STAT2: variants seen among roughly 807,000 people sequenced by gnomAD.
The protein encoded by STAT2 is interferon alpha induced transcriptional activator.
In STAT2, 51 loss-of-function variants were observed where a neutral mutation model predicts 122.3. That is an observed-to-expected ratio of 0.42 (90% CI 0.33 to 0.53). The LOEUF is 0.53. Among genes scored for constraint, STAT2 ranks in the 20% least tolerant of loss-of-function variants. STAT2 has a pLI of 0.10. For synonymous variants in STAT2, 351 were observed against 394.9 expected, an observed-to-expected ratio of 0.89 and a Z score of 1.32; for missense variants, 736 against 1,010.3, an observed-to-expected ratio of 0.73 and a Z score of 3.68.
At chr12:56,349,310 C>G in intron 15 of STAT2, 49 bp from the exon 16 acceptor site, 3 of 1,614,076 alleles carry the variant, frequency 1.9e-6, no homozygotes, top group Non-Finnish European at 2.5e-6. Flanking sequence ...TTTCTAGCTG[C>G]AGGTATTTGT....
In STAT2 at chr12:56,344,032, C is replaced by T. The variant is rs771543022; in HGVS notation, c.2206G>A (p.Asp736Asn). The T allele has an allele frequency of 6.2e-7, 1 of 1,613,668 alleles. No homozygotes were observed. Among genetic ancestry groups the T allele is most frequent in the Non-Finnish European group, 8.5e-7 (1 of 1,179,696 alleles). The stretch of plus-strand genomic sequence containing the variant: ...CCTGCCTTCAGCAGTGGCTCTAAGT[C>T]CAGGCTGAGCTCTGGCTCTGGCACC... The part of the protein sequence containing the change: ...GLVPEPELSL[D>N]LEPLLKAGLD... The change falls in exon 23 of 24, where the codon GAC becomes AAC. Residue 736 changes from aspartate (D) to asparagine (N), a missense_variant. Physicochemically the swap from Asp to Asn is conservative, Grantham distance 23. Coordinates refer to ENST00000314128, the MANE Select transcript of STAT2 (RefSeq NM_005419.4).
At chr12:56,349,287 G>A in intron 15 of STAT2, 26 bp from the exon 16 acceptor site, 1 of 1,614,152 alleles carries the variant, frequency 6.2e-7, no homozygotes, top group Non-Finnish European at 8.5e-7. Flanking sequence ...GAGTCACAGA[G>A]AGGGATGTGA....
intron 8 of STAT2, among the ~76,000 whole-genome samples, chr12:56,354,010 A>ATATATAT (rs1555171450): frequency 1.1e-3 from 21 of 19,604 alleles, no homozygotes; most frequent in Non-Finnish European, 5.6e-3. Context: ...AAAAAAAAAA[A>ATATATAT]AAAAAAATAT....
At position 56,348,661 on chromosome 12, in the gene STAT2, T is replaced by C. The variant is rs2066814; in HGVS notation, c.1630-38A>G. 9,669 of 1,613,814 alleles carry C rather than the reference T, an allele frequency of 6.0e-3. 53 individuals are homozygous for C. The highest frequency in any genetic ancestry group is 7.0e-3 in the Non-Finnish European group (8,220 of 1,179,918). On this transcript the variant is annotated intron_variant, in intron 18 of 23. Coordinates refer to ENST00000314128, the MANE Select transcript of STAT2 (RefSeq NM_005419.4). ...TGGAAAGGTAGCAAAAGCTGAGGAGTTGCCTCTGGTGTAGGGAAGGAGGGA... is the reference window on the plus strand; with the variant it reads ...TGGAAAGGTAGCAAAAGCTGAGGAGCTGCCTCTGGTGTAGGGAAGGAGGGA...
chr12:56,346,740 G>A, intron 20 of STAT2, 79 bp downstream of exon 20: 1 of 1,606,764 alleles, frequency 6.2e-7, no homozygotes, highest in Non-Finnish European at 8.5e-7. Context: ...AGCCAGGGAA[G>A]CCAAGGGCAG....
intron 19 of STAT2, among the ~76,000 whole-genome samples, chr12:56,347,337 C>T (rs1877651165): frequency 6.6e-6 from 1 of 151,866 alleles, no homozygotes; most frequent in African/African-American, 2.4e-5. Context: ...ACCACAGGTG[C>T]ACACCACCAT....
chr12:56,350,735 A>T, intron 11 of STAT2, 94 bp downstream of exon 11: 1 of 1,307,912 alleles, frequency 7.6e-7, no homozygotes. Context: ...TGGAAGGAGG[A>T]AGGAGATAGC....
In STAT2 at chr12:56,355,784, G is replaced by A; in HGVS notation, c.305C>T (p.Thr102Ile). 6.2e-7 allele frequency: 1 copy of A among 1,614,110 alleles called. No individual in the cohort carries two copies. Among genetic ancestry groups the A allele is most frequent in the Non-Finnish European group, 8.5e-7 (1 of 1,180,000 alleles). ...GTTAAAGATCATCTCAGCCAACTGG[G>A]TAGGATCCTGGGAAAAGGGCTAGAA... is the stretch of plus-strand genomic sequence containing the variant. ...RDIQPFSQDP[T>I]QLAEMIFNLL... Residue 102 changes from threonine to isoleucine, a missense_variant, in exon 4 of 24, where the codon ACC (threonine) becomes ATC (isoleucine). Transcript: ENST00000314128.
chr12:56,348,567 C>T lies in STAT2; in HGVS notation c.1686G>A (p.Glu562=). The change falls in exon 19 of 24, where the codon GAG becomes GAA. Residue 562 remains glutamate, a synonymous_variant. Transcript: ENST00000314128. Reference sequence around the variant, plus strand: ...GATCCTTCAGGTGGTCATGTACCAACTCCAGAATTTTGTCCAGCCATGTCC... The same window carrying T: ...GATCCTTCAGGTGGTCATGTACCAATTCCAGAATTTTGTCCAGCCATGTCC... The part of the protein sequence containing the change: ...PFWTWLDKIL[E]LVHDHLKDLW... 2 of 1,614,176 alleles carry T rather than the reference C, an allele frequency of 1.2e-6. No homozygotes were observed. The highest frequency in any genetic ancestry group is 8.5e-7 in the Non-Finnish European group (1 of 1,180,040).
intron 8 of STAT2, chr12:56,352,371 T>TTTTTTTTTG (rs1565655623): frequency 3.5e-5 from 1 of 28,462 alleles, no homozygotes; most frequent in Non-Finnish European, 6.8e-5. Flanking sequence ...TTTTTTTTTT[T>TTTTTTTTTG]GGTGGGGGTG....
chr12:56,355,908 G>A (rs192802035), intron 3 of STAT2, 105 bp from the exon 4 acceptor site: 3 of 1,335,168 alleles, frequency 2.2e-6, no homozygotes, highest in East Asian at 2.3e-5. Context: ...CCTCCTTCGG[G>A]GTTCTTAGCC....
chr12:56,346,967 A>G lies in STAT2; in HGVS notation c.1725-12T>C, dbSNP rs768691296. The stretch of plus-strand genomic sequence containing the variant: ...AGCCCATGATGCGTCTGGAGCACAG[A>G]GAGCAGCTGTGAGACACCGCCCAAC... On this transcript the variant is annotated splice_polypyrimidine_tract_variant and intron_variant, in intron 19 of 23. Coordinates refer to ENST00000314128, the MANE Select transcript of STAT2 (RefSeq NM_005419.4). 6.2e-7 allele frequency: 1 copy of G among 1,613,950 alleles called. No homozygotes were observed. The highest frequency in any genetic ancestry group is 8.5e-7 in the Non-Finnish European group (1 of 1,179,876).
At position 56,348,621 on chromosome 12, in the gene STAT2, T is replaced by C. The variant is rs1173440726; in HGVS notation, c.1632A>G (p.Arg544=). The change falls in exon 19 of 24, where the codon CGA becomes CGG. Residue 544 remains arginine, a splice_region_variant and synonymous_variant. Transcript: ENST00000314128. ...ATGGTAACTTGCCAGGAGGGCTCTC[T>C]CGCTGGAGGAGGAATGGAAAGGTAG... ...PLLSWADFTK[R]ESPPGKLPFW... is the part of the protein sequence containing the mutation. The C allele has an allele frequency of 1.9e-6, 3 of 1,614,128 alleles. No individual in the cohort carries two copies. The East Asian group carries it at 6.7e-5, about 36-fold the overall frequency.
In STAT2 at chr12:56,346,964, C is replaced by T; in HGVS notation, c.1725-9G>A. The T allele has an allele frequency of 6.2e-7, 1 of 1,614,080 alleles. No homozygotes were observed. Among genetic ancestry groups the T allele is most frequent in the Non-Finnish European group, 8.5e-7 (1 of 1,179,978 alleles). On this transcript the variant is annotated splice_polypyrimidine_tract_variant and intron_variant, in intron 19 of 23. Coordinates refer to ENST00000314128, the MANE Select transcript of STAT2 (RefSeq NM_005419.4). ...CAAAGCCCATGATGCGTCTGGAGCA[C>T]AGAGAGCAGCTGTGAGACACCGCCC...
chr12:56,349,118 A>T, intron 16 of STAT2, 45 bp downstream of exon 16: 1 of 1,613,902 alleles, frequency 6.2e-7, no homozygotes, highest in Admixed American at 1.7e-5. Context: ...CCAAGCTTCC[A>T]CACCCCTCCT....
chr12:56,343,871 T>C lies in STAT2; in HGVS notation c.2367A>G (p.Pro789=), dbSNP rs1876950548. 1 of 1,614,232 alleles carries C rather than the reference T, an allele frequency of 6.2e-7. No individual in the cohort carries two copies. Among genetic ancestry groups the C allele is most frequent in the Admixed American group, 1.7e-5 (1 of 60,026 alleles). Residue 789 remains proline (P), a synonymous_variant, in exon 23 of 24, where the codon CCA becomes CCG. Coordinates refer to ENST00000314128, the MANE Select transcript of STAT2 (RefSeq NM_005419.4). ...AATGTCTCAGATCACAGGGCAAATC[T>C]GGCTCTGGCACTGGCTGTGATACAG... The part of the protein sequence containing the change: ...QGPVSQPVPE[P]DLPCDLRHLN...
In STAT2 at chr12:56,355,816, A is replaced by C. The variant is rs1482775260; in HGVS notation, c.286-13T>G. The C allele has an allele frequency of 3.1e-6, 5 of 1,610,840 alleles. No individual in the cohort carries two copies. In the African/African-American group the frequency reaches 6.7e-5, roughly 22 times the overall value. On this transcript the variant is annotated splice_polypyrimidine_tract_variant and intron_variant, in intron 3 of 23. Transcript: ENST00000314128. Reference sequence around the variant, plus strand: ...CCTGGGAAAAGGGCTAGAATAGGTAAACAGAAAGGATTGATCCAATTCAAC... The same window carrying C: ...CCTGGGAAAAGGGCTAGAATAGGTACACAGAAAGGATTGATCCAATTCAAC...
At chr12:56,350,226 G>A (rs1457414551) in intron 12 of STAT2, 36 bp from the exon 13 acceptor site, 2 of 1,523,052 alleles carry the variant, frequency 1.3e-6, no homozygotes, top group Non-Finnish European at 1.8e-6. Context: ...GACAAGGAAT[G>A]GAATTATTCT....
intron 22 of STAT2, 71 bp downstream of exon 22, chr12:56,346,075 C>A (rs1308153594): frequency 7.0e-7 from 1 of 1,431,280 alleles, no homozygotes; most frequent in East Asian, 2.4e-5. Flanking sequence ...AAGGTAATGC[C>A]CCCTTTTGAC....
Sources: allele counts gnomAD v4.1 joint callset (sites outside exome capture counted in the v4.1 genomes callset), GRCh38; gene constraint gnomAD v4.1.1; transcripts MANE v1.5; gene names NCBI Gene and HGNC (gene_info 2026-07-23, HGNC 2026-07-21).